The following PAX2 variants were observed in gnomAD, a reference collection of about 807,000 sequenced individuals.
PAX2 encodes paired box 2, also known as paired box protein Pax-2.
Under a neutral mutation model 41.7 loss-of-function variants are expected in PAX2, and 9 were observed. The observed-to-expected ratio is 0.22, with a 90% CI of 0.13 to 0.38. PAX2 has a LOEUF of 0.38. Ranked by LOEUF, PAX2 falls within the 10% of genes least tolerant of loss-of-function variation. The pLI is 1.00. For missense variants in PAX2, 418 were observed against 531.6 expected, an observed-to-expected ratio of 0.79 and a Z score of 2.10; for synonymous variants, 221 against 212.7, an observed-to-expected ratio of 1.04 and a Z score of -0.34.
At chr10:100,778,869 C>T (rs1846496826) in intron 3 of PAX2, among the ~76,000 whole-genome samples, 1 of 152,120 alleles carries the variant, frequency 6.6e-6, no homozygotes, top group African/African-American at 2.4e-5. Context: ...TGTTTGAGGG[C>T]AGTAAGTGGG....
rs1394467435 is a variant in PAX2, at chr10:100,827,890, G to A, written c.*271G>A. On this transcript the variant is annotated 3_prime_UTR_variant, in exon 10 of 10. Transcript: ENST00000355243. The surrounding 1 kb of genome is among the most constrained non-coding windows in gnomAD (Gnocchi z 8.5). ...GCCCCTCCCCGCCTGCCTGGACTGC[G>A]CGGCGCCGTGAGGGGGATTCGGCCC... 6 of 495,058 alleles carry A rather than the reference G, an allele frequency of 1.2e-5. No homozygotes were observed. Among genetic ancestry groups the A allele is most frequent in the African/African-American group, 1.0e-4 (5 of 47,826 alleles). 30.7% of individuals were successfully genotyped at this position (495,058 alleles called of 1,614,324 possible). A position where few individuals can be genotyped will look rare whatever the true frequency, so the allele number is the denominator to read the frequency against.
chr10:100,828,502 G>C lies in PAX2; in HGVS notation c.*883G>C. On this transcript the variant is annotated 3_prime_UTR_variant, in exon 10 of 10. Coordinates refer to ENST00000355243, the MANE Select transcript of PAX2 (RefSeq NM_000278.5). This position sits in a 1 kb window ranked among gnomAD's most constrained non-coding sequence, Gnocchi z 6.5. ...TTCCCCTCCTGCCAGTCCTTCGCCT[G>C]TCCCTTGACGCCCTGCATCCTCCTC... The C allele has an allele frequency of 4.3e-6, 1 of 234,098 alleles. No individual in the cohort carries two copies. The highest frequency in any genetic ancestry group is 8.4e-6 in the Non-Finnish European group (1 of 118,644). The allele number at this position is 234,098 out of a possible 1,614,324, so 14.5% of individuals were successfully genotyped here. A position where few individuals can be genotyped will look rare whatever the true frequency, so the allele number is the denominator to read the frequency against.
intron 5 of PAX2, among the ~76,000 whole-genome samples, chr10:100,787,908 A>T (rs1034551452): frequency 1.3e-5 from 2 of 152,006 alleles, no homozygotes; most frequent in African/African-American, 4.8e-5. Context: ...TGTTATTGCA[A>T]ATTAAAAGTA....
chr10:100,736,934 C>T (rs750161440), intron 1 of PAX2, among the ~76,000 whole-genome samples: 1 of 152,162 alleles, frequency 6.6e-6, no homozygotes, highest in African/African-American at 2.4e-5. Flanking sequence ...ATCTGTGCAC[C>T]CCCTCGACCG....
chr10:100,760,646 G>A (rs1437873285), intron 3 of PAX2, among the ~76,000 whole-genome samples: 1 of 152,166 alleles, frequency 6.6e-6, no homozygotes, highest in Non-Finnish European at 1.5e-5. Flanking sequence ...ATGTATTTAG[G>A]TAGAGACAAA....
At position 100,812,603 on chromosome 10, in the gene PAX2, A is replaced by T. The variant is rs149961613; in HGVS notation, c.919+3367A>T. On this transcript the variant is annotated intron_variant, in intron 7 of 9. Coordinates refer to ENST00000355243, the MANE Select transcript of PAX2 (RefSeq NM_000278.5). ...GTGAGGACTCGCTCCAACTGCATGC[A>T]GGAGGCTTCATTCCTTAAAGTCTCC... Among the ~76,000 whole-genome samples the T allele has an allele frequency of 6.5e-3, 988 of 152,320 alleles. 14 individuals are homozygous for T. Among genetic ancestry groups the T allele is most frequent in the African/African-American group, 0.023 (942 of 41,570 alleles).
chr10:100,810,840 T>C (rs1847966067), intron 7 of PAX2, among the ~76,000 whole-genome samples: 1 of 152,090 alleles, frequency 6.6e-6, no homozygotes, highest in Admixed American at 6.5e-5. Context: ...TGCCTCCACC[T>C]TGAGCAGCCC....
intron 7 of PAX2, among the ~76,000 whole-genome samples, chr10:100,823,342 A>G (rs1848432070): frequency 6.6e-6 from 1 of 152,216 alleles, no homozygotes; most frequent in Non-Finnish European, 1.5e-5. Flanking sequence ...GTAGCTCTGT[A>G]TAGCTAGGGA....
At chr10:100,811,845 C>A (rs1848000787) in intron 7 of PAX2, among the ~76,000 whole-genome samples, 1 of 152,188 alleles carries the variant, frequency 6.6e-6, no homozygotes, top group Non-Finnish European at 1.5e-5. Context: ...GTCTCAGGCA[C>A]CCTGCTCATC....
At chr10:100,798,583 C>T (rs140075013) in intron 5 of PAX2, among the ~76,000 whole-genome samples, 158 of 152,206 alleles carry the variant, frequency 1.0e-3, no homozygotes, top group African/African-American at 3.7e-3. Context: ...CCCTTCCCTC[C>T]TCTCTCCTTT....
At chr10:100,759,417 G>T (rs1279794089) in intron 3 of PAX2, among the ~76,000 whole-genome samples, 1 of 152,228 alleles carries the variant, frequency 6.6e-6, no homozygotes, top group African/African-American at 2.4e-5. Flanking sequence ...AGGCTGTGAG[G>T]CAGGCCAGCA....
upstream of PAX2, among the ~76,000 whole-genome samples, chr10:100,744,423 T>C (rs1426553642): frequency 6.6e-6 from 1 of 152,230 alleles, no homozygotes; most frequent in East Asian, 1.9e-4. Context: ...ATTCTGTACT[T>C]AACCAGTTAG....
intron 5 of PAX2, among the ~76,000 whole-genome samples, chr10:100,793,134 C>G (rs747392712): frequency 7.2e-5 from 11 of 152,186 alleles, no homozygotes; most frequent in African/African-American, 2.7e-4. Flanking sequence ...CTGCTGGAGC[C>G]AAACGGGGAC....
intron 1 of PAX2, chr10:100,749,297 G>T: frequency 9.0e-6 from 9 of 998,530 alleles, no homozygotes; most frequent in Non-Finnish European, 1.1e-5. Flanking sequence ...CAAATCGTCC[G>T]CCTCCAAGCC....
intron 5 of PAX2, among the ~76,000 whole-genome samples, chr10:100,786,101 G>C (rs1052018578): frequency 6.6e-6 from 1 of 152,230 alleles, no homozygotes; most frequent in Non-Finnish European, 1.5e-5. Context: ...AGTTGTGTTA[G>C]AAAGAAATTT....
At chr10:100,740,840 AGGGCCTCACG>A (rs990960205), upstream of PAX2, among the ~76,000 whole-genome samples, 1 of 152,208 alleles carries the variant, frequency 6.6e-6, no homozygotes, top group African/African-American at 2.4e-5. Context: ...CAGAAGTACC[AGGGCCTCACG>A]GGGCTCCTAG....
At chr10:100,739,821 GGCT>G (rs1482034064) in intron 1 of PAX2, among the ~76,000 whole-genome samples, 1 of 152,208 alleles carries the variant, frequency 6.6e-6, no homozygotes, top group Non-Finnish European at 1.5e-5. Context: ...GCTCCGGGCC[GGCT>G]GCTAAGAGAG....
chr10:100,776,058 G>A lies in PAX2; in HGVS notation c.411-3440G>A, dbSNP rs556529245. Reference sequence around the variant, plus strand: ...CTGTTAATCATCCACAGTCCCTTAGGCAACTTCAGTCTCTTCCTCTTCACT... The same window carrying A: ...CTGTTAATCATCCACAGTCCCTTAGACAACTTCAGTCTCTTCCTCTTCACT... On this transcript the variant is annotated intron_variant, in intron 3 of 9. Transcript: ENST00000355243. Among the ~76,000 whole-genome samples, 14 of 152,198 alleles carry A rather than the reference G, an allele frequency of 9.2e-5. No homozygotes were observed. The South Asian group carries it at 2.9e-3, about 32-fold the overall frequency.
chr10:100,736,521 A>G (rs1323874535), intron 1 of PAX2, among the ~76,000 whole-genome samples: 1 of 152,088 alleles, frequency 6.6e-6, no homozygotes, highest in East Asian at 1.9e-4. Flanking sequence ...AAATAATTCC[A>G]CAGAGGTCAA....
Sources: gnomAD v4.1 joint callset for allele counts (sites outside exome capture counted in the v4.1 genomes callset) on GRCh38, gnomAD v4.1.1 for gene constraint, Gnocchi (gnomAD v3.1) non-coding constraint, MANE v1.5 for transcripts, NCBI Gene and HGNC (gene_info 2026-07-23, HGNC 2026-07-21) for gene names.